The following ANKS1B variants were observed in gnomAD, a reference collection of about 807,000 sequenced individuals.
The protein encoded by ANKS1B is ankyrin repeat and sterile alpha motif domain-containing protein 1B.
Under a neutral mutation model 148.3 loss-of-function variants are expected in ANKS1B, and 36 were observed. The ratio of observed to expected loss-of-function variants is 0.24; its 90% CI spans 0.19 to 0.32. The LOEUF is 0.32. Ranked by LOEUF, ANKS1B falls within the 10% of genes least tolerant of loss-of-function variation. ANKS1B has a pLI of 1.00. For synonymous variants in ANKS1B, 542 were observed against 560.8 expected (o/e 0.97, Z 0.47); for missense variants, 1,157 against 1,542.6 (o/e 0.75, Z 4.19).
intron 15 of ANKS1B, among the ~76,000 whole-genome samples, chr12:99,121,321 A>ATG (rs57560069): frequency 0.1 from 14,878 of 142,676 alleles, 819 homozygotes; most frequent in South Asian, 0.25. Flanking sequence ...GTATGTAGGT[A>ATG]TGTGTGTGTG....
chr12:98,798,895 A>G (rs748391883), intron 22 of ANKS1B, 39 bp downstream of exon 22: 1 of 1,562,972 alleles, frequency 6.4e-7, no homozygotes, highest in Non-Finnish European at 8.7e-7. Context: ...AGTATTTAGT[A>G]TTTCAGCTAC....
intron 17 of ANKS1B, among the ~76,000 whole-genome samples, chr12:98,908,441 A>G (rs888809043): frequency 2.6e-5 from 4 of 152,182 alleles, no homozygotes; most frequent in Non-Finnish European, 5.9e-5. Flanking sequence ...CACAACCAAT[A>G]TACAAGGTAG....
intron 12 of ANKS1B, among the ~76,000 whole-genome samples, chr12:99,342,832 C>T (rs1377684448): frequency 6.7e-6 from 1 of 149,250 alleles, no homozygotes; most frequent in East Asian, 1.9e-4. Context: ...AGTTTTTTCT[C>T]TTCTTCTTTA....
intron 9 of ANKS1B, among the ~76,000 whole-genome samples, chr12:99,555,632 G>A (rs1056609869): frequency 2.0e-5 from 3 of 152,072 alleles, no homozygotes; most frequent in African/African-American, 7.2e-5. Flanking sequence ...ACATTGTTGA[G>A]GGTTTTTAAC....
At chr12:99,517,903 GT>G (rs770263862) in intron 9 of ANKS1B, among the ~76,000 whole-genome samples, 98 of 152,090 alleles carry the variant, frequency 6.4e-4, no homozygotes, top group South Asian at 1.5e-3. Flanking sequence ...TCTATACTCA[GT>G]TTTTTGAAGG....
At chr12:99,353,187 A>C (rs1019221292) in intron 12 of ANKS1B, among the ~76,000 whole-genome samples, 1 of 152,006 alleles carries the variant, frequency 6.6e-6, no homozygotes, top group African/African-American at 2.4e-5. Context: ...TTAGAATAAG[A>C]TATACATGGG....
intron 8 of ANKS1B, among the ~76,000 whole-genome samples, chr12:99,695,403 C>T (rs1242113260): frequency 3.3e-5 from 5 of 152,162 alleles, no homozygotes; most frequent in African/African-American, 9.7e-5. Context: ...TCCCACTGAA[C>T]GTAGTGGTAG....
chr12:99,251,896 TC>T (rs1366781496), intron 12 of ANKS1B, among the ~76,000 whole-genome samples: 2 of 152,198 alleles, frequency 1.3e-5, no homozygotes, highest in Non-Finnish European at 2.9e-5. Flanking sequence ...ATAAAACGTT[TC>T]CTGTATATCA....
intron 17 of ANKS1B, among the ~76,000 whole-genome samples, chr12:98,960,100 C>T (rs1248842659): frequency 6.6e-6 from 1 of 152,150 alleles, no homozygotes; most frequent in African/African-American, 2.4e-5. Context: ...GCTTTGCCAC[C>T]TGCTGATTGT....
At chr12:99,969,070 C>A (rs896932850) in intron 1 of ANKS1B, among the ~76,000 whole-genome samples, 1 of 152,118 alleles carries the variant, frequency 6.6e-6, no homozygotes, top group South Asian at 2.1e-4. Flanking sequence ...ACACACTCGC[C>A]CATCTGGAAA....
chr12:99,623,770 G>A (rs971986316), intron 9 of ANKS1B, among the ~76,000 whole-genome samples: 3 of 151,898 alleles, frequency 2.0e-5, no homozygotes, highest in Non-Finnish European at 4.4e-5. Flanking sequence ...CAAACAAATG[G>A]AAAAACATTC....
At chr12:99,788,849 G>C (rs2065292790) in intron 4 of ANKS1B, among the ~76,000 whole-genome samples, 1 of 152,158 alleles carries the variant, frequency 6.6e-6, no homozygotes, top group Admixed American at 6.5e-5. Context: ...GACCAGAAGT[G>C]GTGGTGGCCA....
intron 14 of ANKS1B, among the ~76,000 whole-genome samples, chr12:99,215,650 A>G (rs775503731): frequency 2.0e-5 from 3 of 152,204 alleles, no homozygotes; most frequent in Non-Finnish European, 4.4e-5. Flanking sequence ...TGACCGCCCT[A>G]TTGGATTTTG....
chr12:99,817,039 A>G (rs932972316), intron 2 of ANKS1B, among the ~76,000 whole-genome samples: 12 of 151,452 alleles, frequency 7.9e-5, no homozygotes, highest in African/African-American at 2.9e-4. Context: ...GAACATCACA[A>G]TTCCTCTCTT....
intron 12 of ANKS1B, among the ~76,000 whole-genome samples, chr12:99,330,809 CT>C (rs1376382766): frequency 1.3e-5 from 2 of 151,886 alleles, no homozygotes; most frequent in Non-Finnish European, 2.9e-5. Flanking sequence ...AATGTGCTAG[CT>C]TATAACTAAC....
At chr12:98,785,590 C>T (rs188495232) in intron 22 of ANKS1B, among the ~76,000 whole-genome samples, 1 of 152,286 alleles carries the variant, frequency 6.6e-6, no homozygotes, top group East Asian at 1.9e-4. Context: ...GAAGGCTTTA[C>T]AGGCATCAAA....
At chr12:99,560,324 T>A (rs1035908997) in intron 9 of ANKS1B, among the ~76,000 whole-genome samples, 1 of 152,132 alleles carries the variant, frequency 6.6e-6, no homozygotes, top group Non-Finnish European at 1.5e-5. Context: ...TCAATAGATA[T>A]GTTGTTTTTT....
rs775146299 is a variant in ANKS1B at position 98,751,652 on chromosome 12, C to T, written c.3580-130G>A. The stretch of plus-strand genomic sequence containing the variant: ...TACTTCACCAGAGGCAGCAGCGATT[C>T]GGTGGAAATCTACAAAGAACAGGAC... On this transcript the variant is annotated intron_variant, in intron 25 of 26. Coordinates refer to ENST00000683438, the MANE Select transcript of ANKS1B (RefSeq NM_001352186.2). This position sits in a 1 kb window ranked among gnomAD's most constrained non-coding sequence, Gnocchi z 4.3. 162 of 850,492 alleles carry T rather than the reference C, an allele frequency of 1.9e-4. No homozygotes were observed. The highest frequency in any genetic ancestry group is 2.8e-4 in the Non-Finnish European group (150 of 528,838). 52.7% of individuals were successfully genotyped at this position (850,492 alleles called of 1,614,324 possible).
chr12:98,988,555 C>T (rs2099924772), intron 17 of ANKS1B, among the ~76,000 whole-genome samples: 1 of 152,084 alleles, frequency 6.6e-6, no homozygotes, highest in African/African-American at 2.4e-5. Context: ...AATACTGCTG[C>T]AATGAACACC....
Sources: gnomAD v4.1 joint callset for allele counts (sites outside exome capture counted in the v4.1 genomes callset) on GRCh38, gnomAD v4.1.1 for gene constraint, Gnocchi (gnomAD v3.1) non-coding constraint, MANE v1.5 for transcripts, NCBI Gene and HGNC (gene_info 2026-07-23, HGNC 2026-07-21) for gene names.